The following NDUFA10 variants were observed in gnomAD, a reference collection of about 807,000 sequenced individuals.
The protein encoded by NDUFA10 is NADH dehydrogenase [ubiquinone] 1 alpha subcomplex subunit 10, mitochondrial.
NDUFA10 carries 40 observed loss-of-function variants against 47.8 expected under a neutral mutation model. The ratio of observed to expected loss-of-function variants is 0.84; its 90% CI spans 0.65 to 1.09. The LOEUF is 1.09. Among genes scored for constraint, NDUFA10 ranks in the 50% least tolerant of loss-of-function variants. The probability of loss-of-function intolerance (pLI) is 0.00; values close to 1 mark genes in which losing one functional copy is unlikely to be tolerated. For missense variants in NDUFA10, 413 were observed against 451.1 expected (o/e 0.92, Z 0.76); for synonymous variants, 183 against 172.2 (o/e 1.06, Z -0.49).
rs1694821033 is a variant in NDUFA10 at position 239,960,739 on chromosome 2, T to C, written c.*379A>G. On this transcript the variant is annotated 3_prime_UTR_variant, in exon 10 of 10. Transcript: ENST00000252711. ...CGCACATAGACGTACGATGGGGAAA[T>C]TCCCATGGAAACACTTTTATTTCTG... 8.4e-7 allele frequency: 1 copy of C among 1,191,812 alleles called. No individual in the cohort carries two copies. The allele number at this position is 1,191,812 out of a possible 1,614,324, so 73.8% of individuals were successfully genotyped here.
At position 239,990,200 on chromosome 2, in the gene NDUFA10, T is replaced by C. The variant is rs1047895963; in HGVS notation, c.891-18A>G. On this transcript the variant is annotated intron_variant, in intron 8 of 9. Transcript: ENST00000252711. ...CCTGAACCCTAAAAAATAAGACACA[T>C]GTGGATCACACCAAACCATCAAAAT... is the stretch of plus-strand genomic sequence containing the variant. 1.9e-6 allele frequency: 3 copies of C among 1,560,546 alleles called. No homozygotes were observed. Among genetic ancestry groups the C allele is most frequent in the South Asian group, 2.2e-5 (2 of 90,020 alleles).
intron 8 of NDUFA10, among the ~76,000 whole-genome samples, chr2:240,004,488 C>T (rs1442252275): frequency 1.3e-5 from 2 of 149,400 alleles, no homozygotes; most frequent in African/African-American, 4.8e-5. Flanking sequence ...CAAGACCTAT[C>T]CGCCTTCTGC....
At position 239,987,991 on chromosome 2, in the gene NDUFA10, G is replaced by GA. The variant is rs919597327; in HGVS notation, c.999+2082dup. ...AAATAGGTGGGGTAAATGGAATAAA[G>GA]AAAAAAAAGAAGAAAAAATACATAG... On this transcript the variant is annotated intron_variant, in intron 9 of 9. Coordinates refer to ENST00000252711, the MANE Select transcript of NDUFA10 (RefSeq NM_004544.4). This position sits in a 1 kb window ranked among gnomAD's most constrained non-coding sequence, Gnocchi z 4.8. 1.3e-5 allele frequency among the ~76,000 whole-genome samples: 2 copies of GA among 149,836 alleles called. No individual in the cohort carries two copies. The highest frequency in any genetic ancestry group is 3.0e-5 in the Non-Finnish European group (2 of 67,374).
At chr2:239,895,332 A>G in intron 4 of NDUFA10, 1 of 461,984 alleles carries the variant, frequency 2.2e-6, no homozygotes, top group Non-Finnish European at 4.5e-6. Context: ...CGAAGAGGAC[A>G]GTGACCACAG....
chr2:239,933,858 GT>G (rs1470676983), intron 4 of NDUFA10, among the ~76,000 whole-genome samples: 12 of 150,960 alleles, frequency 7.9e-5, no homozygotes, highest in Non-Finnish European at 3.0e-5. Flanking sequence ...ATCCAGTTTT[GT>G]ATTTTGAATT....
chr2:239,958,887 A>G lies in NDUFA10; in HGVS notation c.*2231T>C, dbSNP rs1404068629. On this transcript the variant is annotated 3_prime_UTR_variant, in exon 10 of 10. Transcript: ENST00000252711. ...TTTCCTGATCTCCAAAGCACTGAGA[A>G]GTCCAACATGGAATCCTGGAAAATG... 1 of 943,980 alleles carries G rather than the reference A, an allele frequency of 1.1e-6. No individual in the cohort carries two copies. The highest frequency in any genetic ancestry group is 1.3e-6 in the Non-Finnish European group (1 of 792,266). 58.5% of individuals were successfully genotyped at this position (943,980 alleles called of 1,614,324 possible).
At chr2:239,956,615 G>C (rs889670487), downstream of NDUFA10, among the ~76,000 whole-genome samples, 2 of 152,194 alleles carry the variant, frequency 1.3e-5, no homozygotes, top group Non-Finnish European at 2.9e-5. Flanking sequence ...CTTGTCCCAG[G>C]AGAGGGCAGA....
intron 9 of NDUFA10, among the ~76,000 whole-genome samples, chr2:239,970,953 T>C (rs1695281313): frequency 6.6e-6 from 1 of 152,232 alleles, no homozygotes; most frequent in African/African-American, 2.4e-5. Flanking sequence ...AAAGTTCCTA[T>C]CCAGGGTTTG....
At chr2:239,985,506 G>A (rs1476669793) in intron 9 of NDUFA10, among the ~76,000 whole-genome samples, 1 of 151,616 alleles carries the variant, frequency 6.6e-6, no homozygotes, top group East Asian at 1.9e-4. Flanking sequence ...TATACAGAAA[G>A]GAGCAGACAC....
Position 240,021,280 on chromosome 2 carries a change from C to G in NDUFA10, c.377G>C (p.Gly126Ala). 1.2e-6 allele frequency: 2 copies of G among 1,614,206 alleles called. No homozygotes were observed. The highest frequency in any genetic ancestry group is 1.7e-5 in the Admixed American group (1 of 60,028). ...KFYDDPRSND[G>A]NSYRLQSWLY... ...CCAGGACTGCAGGCGGTAACTGTTG[C>G]CATCATTGCTTCTCGGATCATCGTA... Residue 126 changes from glycine to alanine, a missense_variant, in exon 3 of 10, where the codon GGC (glycine) becomes GCC (alanine). Transcript: ENST00000252711.
intron 9 of NDUFA10, among the ~76,000 whole-genome samples, chr2:239,986,165 T>A (rs958366890): frequency 3.9e-5 from 6 of 151,908 alleles, no homozygotes; most frequent in Non-Finnish European, 5.9e-5. Flanking sequence ...AAGCCAGAAG[T>A]ATAAAAAACA....
intron 6 of NDUFA10, among the ~76,000 whole-genome samples, chr2:240,009,302 C>G (rs1297250476): frequency 1.3e-5 from 2 of 152,224 alleles, no homozygotes; most frequent in African/African-American, 4.8e-5. Context: ...TTGTGTACCT[C>G]TGTGTCTCAG....
chr2:239,913,894 G>A (rs116652224), intron 4 of NDUFA10, among the ~76,000 whole-genome samples: 2,232 of 152,306 alleles, frequency 0.015, 56 homozygotes, highest in African/African-American at 0.051. Context: ...GGCCAAGAGC[G>A]TCCTGTTGTC....
intron 9 of NDUFA10, among the ~76,000 whole-genome samples, chr2:239,971,123 C>A (rs555656045): frequency 6.6e-6 from 1 of 152,208 alleles, no homozygotes; most frequent in Non-Finnish European, 1.5e-5. Context: ...AGAAGTGCCA[C>A]ATAAAAACAT....
intron 8 of NDUFA10, among the ~76,000 whole-genome samples, chr2:239,992,215 A>G (rs1696280690): frequency 6.6e-6 from 1 of 152,244 alleles, no homozygotes; most frequent in Admixed American, 6.5e-5. Flanking sequence ...CATTAAGAAG[A>G]ATTCAAAACT....
intron 8 of NDUFA10, among the ~76,000 whole-genome samples, chr2:240,002,952 T>G (rs907554419): frequency 6.6e-6 from 1 of 152,048 alleles, no homozygotes; most frequent in Non-Finnish European, 1.5e-5. Context: ...CAGGTTCAAG[T>G]GACCCTCCCA....
intron 9 of NDUFA10, among the ~76,000 whole-genome samples, chr2:239,972,898 C>T (rs189006943): frequency 4.7e-4 from 72 of 152,322 alleles, no homozygotes; most frequent in African/African-American, 1.7e-3. Context: ...ATGTAACACA[C>T]TGTAAAGTCA....
At chr2:240,014,626 C>A in intron 5 of NDUFA10, 113 bp downstream of exon 5, 1 of 1,507,480 alleles carries the variant, frequency 6.6e-7, no homozygotes. Context: ...GTGTGTGTCA[C>A]CCTCCTCGTG....
At chr2:239,895,695 G>A (rs1312902244) in intron 4 of NDUFA10, among the ~76,000 whole-genome samples, 4 of 152,136 alleles carry the variant, frequency 2.6e-5, no homozygotes, top group African/African-American at 4.8e-5. Flanking sequence ...AAAAGCATTA[G>A]ATCCCCATGC....
Sources: allele counts gnomAD v4.1 joint callset (sites outside exome capture counted in the v4.1 genomes callset), GRCh38; gene constraint gnomAD v4.1.1; non-coding constraint Gnocchi (gnomAD v3.1); transcripts MANE v1.5; gene names NCBI Gene and HGNC (gene_info 2026-07-23, HGNC 2026-07-21).